Variants in AKAP13 observed in about 807,000 individuals in gnomAD.
AKAP13 encodes A-kinase anchoring protein 13.
Under a neutral mutation model 264.5 loss-of-function variants are expected in AKAP13, and 80 were observed. The ratio of observed to expected loss-of-function variants is 0.30; its 90% CI spans 0.25 to 0.36. The LOEUF (loss-of-function observed/expected upper bound fraction) is 0.36, where lower values mean the gene tolerates loss of function less well. AKAP13 is among the 10% of genes least tolerant of loss of function. The pLI is 1.00. For synonymous variants in AKAP13, 1,380 were observed against 1,250.2 expected, an observed-to-expected ratio of 1.10 and a Z score of -2.19; for missense variants, 3,712 against 3,435.2, an observed-to-expected ratio of 1.08 and a Z score of -2.01.
At chr15:85,628,022 T>G (rs913772819) in intron 8 of AKAP13, among the ~76,000 whole-genome samples, 5 of 152,216 alleles carry the variant, frequency 3.3e-5, no homozygotes, top group Admixed American at 6.5e-5. Context: ...CTGGGGACTT[T>G]CTTTTGTGGA....
chr15:85,691,863 G>T (rs759078314), intron 16 of AKAP13: 1 of 493,646 alleles, frequency 2.0e-6, no homozygotes, highest in Non-Finnish European at 4.0e-6. Context: ...TCACAAAAGA[G>T]GTCAGAGAGC....
At position 85,718,082 on chromosome 15, in the gene AKAP13, C is replaced by G. The variant is rs374636588; in HGVS notation, c.5924C>G (p.Ser1975Cys). 3 of 1,614,008 alleles carry G rather than the reference C, an allele frequency of 1.9e-6. No individual in the cohort carries two copies. The highest frequency in any genetic ancestry group is 2.5e-6 in the Non-Finnish European group (3 of 1,180,020). ...EIESKQLEAE[S>C]WSRIIDSKFL... is the part of the protein sequence containing the mutation. ...GAGTCCAAACAGCTGGAAGCAGAGT[C>G]TTGGAGTCGGATAATAGACAGCAAG... Residue 1975 changes from serine (S) to cysteine (C), a missense_variant, in exon 22 of 37, where the codon TCT becomes TGT. By Grantham distance (112) the Ser-to-Cys change is moderately radical. This residue lies in a region of AKAP13 where 2,759 missense variants were observed against 2,411.7 expected (regional missense o/e 1.14). Transcript: ENST00000394518. The surrounding 1 kb of genome is among the most constrained non-coding windows in gnomAD (Gnocchi z 4.9).
intron 8 of AKAP13, among the ~76,000 whole-genome samples, chr15:85,600,162 C>G (rs545621819): frequency 6.6e-6 from 1 of 152,100 alleles, no homozygotes; most frequent in South Asian, 2.1e-4. Flanking sequence ...ACATAAGCCT[C>G]TTGACAGCAT....
At chr15:85,582,991 C>T (rs1361916694) in intron 7 of AKAP13, 1 of 985,338 alleles carries the variant, frequency 1.0e-6, no homozygotes, top group Non-Finnish European at 1.2e-6. Context: ...TGGAAATAAA[C>T]TATCTGAATA....
chr15:85,512,220 G>A (rs763248086), intron 2 of AKAP13, among the ~76,000 whole-genome samples: 5 of 152,122 alleles, frequency 3.3e-5, no homozygotes, highest in Non-Finnish European at 7.3e-5. Flanking sequence ...CTTTCCATAA[G>A]CCTCAGGTGG....
intron 15 of AKAP13, 91 bp from the exon 16 acceptor site, chr15:85,684,650 T>A: frequency 7.2e-7 from 1 of 1,380,114 alleles, no homozygotes; most frequent in Non-Finnish European, 9.7e-7. Flanking sequence ...AAAAAGCCAT[T>A]CAGCAGCCTT....
chr15:85,735,069 G>C lies in AKAP13; in HGVS notation c.7360G>C (p.Asp2454His). ...GACTGTCAGCAGCCCCATTGAGCAA[G>C]ATGTGGTCGGTCCCGTTTCCCTGCC... ...GPTVSSPIEQ[D>H]VVGPVSLPRR... Residue 2454 changes from aspartate (D) to histidine (H), a missense_variant, in exon 31 of 37, where the codon GAT (aspartate) becomes CAT (histidine). Transcript: ENST00000394518. 1 of 1,614,244 alleles carries C rather than the reference G, an allele frequency of 6.2e-7. No individual in the cohort carries two copies. The highest frequency in any genetic ancestry group is 8.5e-7 in the Non-Finnish European group (1 of 1,180,036).
chr15:85,738,647 G>A (rs188946994), intron 33 of AKAP13, among the ~76,000 whole-genome samples: 22 of 151,724 alleles, frequency 1.5e-4, no homozygotes, highest in African/African-American at 5.1e-4. Context: ...GACCATCCTG[G>A]CTAACAAGGT....
chr15:85,646,011 G>A, intron 10 of AKAP13, 57 bp downstream of exon 10: 2 of 1,579,962 alleles, frequency 1.3e-6, no homozygotes, highest in Non-Finnish European at 1.7e-6. Flanking sequence ...TCCTATTTGG[G>A]CTTCCCAAAC....
At chr15:85,717,811 C>A (rs1183027965) in intron 21 of AKAP13, among the ~76,000 whole-genome samples, 196 bp from the exon 22 acceptor site, 1 of 152,168 alleles carries the variant, frequency 6.6e-6, no homozygotes, top group East Asian at 1.9e-4. Context: ...TTACTGTTAA[C>A]CTAAGTCTCG....
rs776928146 is a variant in AKAP13 at position 85,735,051 on chromosome 15, A to T, written c.7342A>T (p.Ser2448Cys). ...GGGAGGCACACTTGGGCCGACTGTC[A>T]GCAGCCCCATTGAGCAAGATGTGGT... ...NLGGTLGPTVSSPIEQDVVGP... is the reference protein window; with the variant it reads ...NLGGTLGPTVCSPIEQDVVGP... Residue 2448 changes from serine to cysteine, a missense_variant, in exon 31 of 37, where the codon AGC (serine) becomes TGC (cysteine). By Grantham distance (112) the Ser-to-Cys change is moderately radical. This residue lies in a region of AKAP13 where 611 missense variants were observed against 539.3 expected (regional missense o/e 1.13). Transcript: ENST00000394518. 6.2e-7 allele frequency: 1 copy of T among 1,614,254 alleles called. No individual in the cohort carries two copies. The highest frequency in any genetic ancestry group is 8.5e-7 in the Non-Finnish European group (1 of 1,180,042).
At chr15:85,637,092 C>T (rs1567168222) in intron 8 of AKAP13, among the ~76,000 whole-genome samples, 1 of 152,116 alleles carries the variant, frequency 6.6e-6, no homozygotes, top group Non-Finnish European at 1.5e-5. Flanking sequence ...CATCTGTATT[C>T]CTGAGGAATA....
At chr15:85,704,118 C>T (rs939244247) in intron 17 of AKAP13, among the ~76,000 whole-genome samples, 20 of 151,938 alleles carry the variant, frequency 1.3e-4, no homozygotes, top group African/African-American at 4.6e-4. Flanking sequence ...GTCATTTTTC[C>T]CAGTTAGATT....
At chr15:85,737,204 G>A (rs1342951970) in intron 33 of AKAP13, among the ~76,000 whole-genome samples, 1 of 152,086 alleles carries the variant, frequency 6.6e-6, no homozygotes, top group Non-Finnish European at 1.5e-5. Context: ...ACAGGCATGA[G>A]CCACCGCGCC....
Position 85,746,902 on chromosome 15 carries a change from G to A in AKAP13, c.*2225G>A, listed in dbSNP as rs2089385246. 1 of 152,156 alleles carries A rather than the reference G, an allele frequency of 6.6e-6. No homozygotes were observed. Among genetic ancestry groups the A allele is most frequent in the South Asian group, 2.1e-4 (1 of 4,828 alleles). The allele number at this position is 152,156 out of a possible 1,614,324, so 9.4% of individuals were successfully genotyped here. ...AGGTTGGTGCTGATGGGATTTACTT[G>A]CGTACGTGCTCTTCACAAAAACACC... is the stretch of plus-strand genomic sequence containing the variant. On this transcript the variant is annotated 3_prime_UTR_variant, in exon 37 of 37. Coordinates refer to ENST00000394518, the MANE Select transcript of AKAP13 (RefSeq NM_007200.5).
At chr15:85,640,550 C>T (rs1325334046) in intron 9 of AKAP13, among the ~76,000 whole-genome samples, 1 of 152,142 alleles carries the variant, frequency 6.6e-6, no homozygotes, top group Non-Finnish European at 1.5e-5. Context: ...ATTTTTGTCT[C>T]ATTTTTTGAG....
intron 3 of AKAP13, among the ~76,000 whole-genome samples, chr15:85,524,760 C>T (rs1486852974): frequency 6.6e-6 from 1 of 151,924 alleles, no homozygotes; most frequent in Non-Finnish European, 1.5e-5. Flanking sequence ...GCCCATCTCC[C>T]CACCCATCTC....
intron 1 of AKAP13, among the ~76,000 whole-genome samples, chr15:85,417,208 T>C (rs2150887849): frequency 6.6e-6 from 1 of 152,346 alleles, no homozygotes; most frequent in East Asian, 1.9e-4. Flanking sequence ...TAGTTTATCC[T>C]AGGCAGGAGC....
intron 6 of AKAP13, 87 bp downstream of exon 6, chr15:85,575,416 C>T (rs2078970978): frequency 8.3e-6 from 11 of 1,323,504 alleles, no homozygotes; most frequent in Non-Finnish European, 1.2e-5. Flanking sequence ...TCCAATGAAC[C>T]TTGATATAAT....
Sources: gnomAD v4.1 joint callset for allele counts (sites outside exome capture counted in the v4.1 genomes callset) on GRCh38, gnomAD v4.1.1 for gene constraint, gnomAD v4.1.1 regional missense constraint, Gnocchi (gnomAD v3.1) non-coding constraint, MANE v1.5 for transcripts, NCBI Gene and HGNC (gene_info 2026-07-23, HGNC 2026-07-21) for gene names.